GMDS: variants seen among roughly 807,000 people sequenced by gnomAD.
GMDS encodes the protein GDP-mannose 4,6-dehydratase.
A neutral mutation model predicts 49.9 loss-of-function variants in GMDS; 20 were observed. That is an observed-to-expected ratio of 0.40 (90% confidence interval 0.28 to 0.58). The LOEUF is 0.58. GMDS is among the 20% of genes least tolerant of loss of function. The pLI, the probability that GMDS is intolerant of heterozygous loss-of-function variation, is 0.42. For missense variants in GMDS, 362 were observed against 481.4 expected (o/e 0.75, Z 2.32); for synonymous variants, 177 against 178.6 (o/e 0.99, Z 0.07).
intron 1 of GMDS, among the ~76,000 whole-genome samples, chr6:2,171,266 T>A (rs1481929969): frequency 6.6e-6 from 1 of 152,068 alleles, no homozygotes; most frequent in African/African-American, 2.4e-5. Flanking sequence ...ATTAAAAGAA[T>A]AACAACAAAA....
At chr6:2,045,298 C>T (rs1769932073) in intron 4 of GMDS, among the ~76,000 whole-genome samples, 1 of 151,854 alleles carries the variant, frequency 6.6e-6, no homozygotes, top group African/African-American at 2.4e-5. Flanking sequence ...TTAGCACTGG[C>T]AATCAATAAC....
rs1261996497 is a variant in GMDS at position 1,778,073 on chromosome 6, A to G, written c.772-35487T>C. ...CAGGGGTGCACGCATTAAAAAAAGA[A>G]GCTGAAAAATGGAACTTTGTTTTAT... On this transcript the variant is annotated intron_variant, in intron 7 of 10. Coordinates refer to ENST00000380815, the MANE Select transcript of GMDS (RefSeq NM_001500.4). The surrounding 1 kb of genome is among the most constrained non-coding windows in gnomAD (Gnocchi z 4.6). Among the ~76,000 whole-genome samples the G allele has an allele frequency of 6.6e-6, 1 of 152,178 alleles. No homozygotes were observed. The highest frequency in any genetic ancestry group is 2.4e-5 in the African/African-American group (1 of 41,426).
intron 7 of GMDS, among the ~76,000 whole-genome samples, chr6:1,818,759 A>G (rs1770773506): frequency 6.6e-6 from 1 of 152,086 alleles, no homozygotes. Flanking sequence ...ATAAATATAC[A>G]TAGACCCTGG....
chr6:1,624,210 GCACCATCTCCCT>G lies in GMDS; in HGVS notation c.1066_1077del (p.Arg356_Val359del). On this transcript the variant is annotated inframe_deletion, in exon 11 of 11. Coordinates refer to ENST00000380815, the MANE Select transcript of GMDS (RefSeq NM_001500.4). ...GTCCTCATGAGCTCCACGTCGGCGT[GCACCATCTCCCT>G]CACCAGCTCCTGCAACACAGGGGTG... The G allele has an allele frequency of 6.2e-7, 1 of 1,611,036 alleles. No homozygotes were observed. Among genetic ancestry groups the G allele is most frequent in the Non-Finnish European group, 8.5e-7 (1 of 1,179,778 alleles).
chr6:2,114,014 A>G (rs1308919314), intron 4 of GMDS, among the ~76,000 whole-genome samples: 1 of 152,222 alleles, frequency 6.6e-6, no homozygotes, highest in Non-Finnish European at 1.5e-5. Context: ...CAACCACACC[A>G]GAACGATAAC....
At chr6:2,186,701 C>T (rs1397159808) in intron 1 of GMDS, among the ~76,000 whole-genome samples, 1 of 152,122 alleles carries the variant, frequency 6.6e-6, no homozygotes, top group Non-Finnish European at 1.5e-5. Flanking sequence ...GTACTAAAAA[C>T]CACACAACCA....
chr6:1,896,674 C>T (rs1228097900), intron 7 of GMDS, among the ~76,000 whole-genome samples: 4 of 152,094 alleles, frequency 2.6e-5, no homozygotes, highest in Non-Finnish European at 5.9e-5. Flanking sequence ...GGGGTTGTAT[C>T]AAAGTTAGAT....
intron 1 of GMDS, among the ~76,000 whole-genome samples, chr6:2,193,152 T>G (rs1779122791): frequency 6.6e-6 from 1 of 152,220 alleles, no homozygotes; most frequent in South Asian, 2.1e-4. Flanking sequence ...CAGGACAGTC[T>G]GCACGGCCAA....
At chr6:1,914,127 G>GTTTTTT (rs1225983780) in intron 7 of GMDS, among the ~76,000 whole-genome samples, 4 of 50,018 alleles carry the variant, frequency 8.0e-5, no homozygotes, top group African/African-American at 1.9e-4. Context: ...AGCGTTTTTT[G>GTTTTTT]TTTGTTTTTT....
intron 4 of GMDS, among the ~76,000 whole-genome samples, chr6:1,965,322 G>A (rs1337695448): frequency 6.6e-6 from 1 of 152,198 alleles, no homozygotes; most frequent in Non-Finnish European, 1.5e-5. Flanking sequence ...GAGCATGGGG[G>A]AAAGGATGGT....
chr6:1,731,159 C>T (rs1766788623), intron 8 of GMDS, among the ~76,000 whole-genome samples: 1 of 152,252 alleles, frequency 6.6e-6, no homozygotes, highest in African/African-American at 2.4e-5. Flanking sequence ...TTCGAAGATA[C>T]AGTTGAGGAA....
intron 9 of GMDS, among the ~76,000 whole-genome samples, chr6:1,660,056 G>A (rs143341711): frequency 6.6e-5 from 10 of 152,138 alleles, no homozygotes; most frequent in South Asian, 2.1e-4. Context: ...CTCCCCAGCC[G>A]CGGACCTGCT....
intron 7 of GMDS, among the ~76,000 whole-genome samples, chr6:1,892,390 C>T (rs1193018372): frequency 2.0e-5 from 3 of 152,114 alleles, no homozygotes; most frequent in Non-Finnish European, 4.4e-5. Context: ...GATGGAATCT[C>T]GCTCTGTTGC....
intron 4 of GMDS, among the ~76,000 whole-genome samples, chr6:2,110,005 A>G (rs1774453367): frequency 6.6e-6 from 1 of 152,184 alleles, no homozygotes; most frequent in Non-Finnish European, 1.5e-5. Context: ...AAATAAATGA[A>G]TGAGCAAGAA....
At chr6:2,028,995 C>CTT (rs201787415) in intron 4 of GMDS, among the ~76,000 whole-genome samples, 2 of 141,728 alleles carry the variant, frequency 1.4e-5, no homozygotes, top group Admixed American at 7.0e-5. Context: ...TTTTTTCTTT[C>CTT]TTTCTTTTTT....
At chr6:1,668,639 G>A (rs573823002) in intron 9 of GMDS, among the ~76,000 whole-genome samples, 39 of 152,100 alleles carry the variant, frequency 2.6e-4, no homozygotes, top group African/African-American at 4.8e-4. Flanking sequence ...CCTGGGAGTC[G>A]GAGTTTGCAG....
At chr6:2,114,262 A>G (rs750957529) in intron 4 of GMDS, among the ~76,000 whole-genome samples, 1 of 152,214 alleles carries the variant, frequency 6.6e-6, no homozygotes, top group African/African-American at 2.4e-5. Context: ...AGGAAACTGA[A>G]TAACAGAATG....
chr6:2,128,435 A>T (rs1372174503), intron 1 of GMDS, among the ~76,000 whole-genome samples: 1 of 152,048 alleles, frequency 6.6e-6, no homozygotes, highest in South Asian at 2.1e-4. Context: ...TCAGCCTCTC[A>T]AAGTGCTGGG....
intron 9 of GMDS, among the ~76,000 whole-genome samples, chr6:1,675,557 G>A (rs888409260): frequency 6.6e-6 from 1 of 152,066 alleles, no homozygotes; most frequent in Non-Finnish European, 1.5e-5. Context: ...TCACCATCAA[G>A]TATAATGTTA....
Sources: allele counts gnomAD v4.1 joint callset (sites outside exome capture counted in the v4.1 genomes callset), GRCh38; gene constraint gnomAD v4.1.1; non-coding constraint Gnocchi (gnomAD v3.1); transcripts MANE v1.5; gene names NCBI Gene and HGNC (gene_info 2026-07-23, HGNC 2026-07-21).